The following THEMIS variants were observed in gnomAD, a reference collection of about 807,000 sequenced individuals.
The protein encoded by THEMIS is thymocyte selection associated.
THEMIS carries 37 observed loss-of-function variants against 52.6 expected under a neutral mutation model. That is an observed-to-expected ratio of 0.70 (90% confidence interval 0.54 to 0.93). The LOEUF is 0.93. THEMIS is among the 40% of genes least tolerant of loss of function. The pLI is 0.00. For missense variants in THEMIS, 808 were observed against 763.1 expected (o/e 1.06, Z -0.69); for synonymous variants, 292 against 272.7 (o/e 1.07, Z -0.70).
At chr6:127,763,519 CA>C (rs200267552) in intron 4 of THEMIS, among the ~76,000 whole-genome samples, 1 of 151,016 alleles carries the variant, frequency 6.6e-6, no homozygotes, top group Non-Finnish European at 1.5e-5. Flanking sequence ...AAAAACAAAC[CA>C]AAAAAAAGGT....
At chr6:127,913,492 G>A (rs1288126019) in intron 1 of THEMIS, among the ~76,000 whole-genome samples, 1 of 152,146 alleles carries the variant, frequency 6.6e-6, no homozygotes, top group Non-Finnish European at 1.5e-5. Flanking sequence ...CAAATGAATG[G>A]ACTTGACATA....
intron 4 of THEMIS, among the ~76,000 whole-genome samples, chr6:127,726,192 A>G (rs1774540379): frequency 6.6e-6 from 1 of 152,084 alleles, no homozygotes; most frequent in Non-Finnish European, 1.5e-5. Context: ...TATTCCAAGT[A>G]CCTCCAGAAA....
At chr6:127,867,648 A>T (rs1053903996) in intron 1 of THEMIS, among the ~76,000 whole-genome samples, 1 of 152,142 alleles carries the variant, frequency 6.6e-6, no homozygotes, top group Non-Finnish European at 1.5e-5. Flanking sequence ...ACACAATATC[A>T]TCTTTAGCTG....
chr6:127,794,511 T>TA (rs35801456), intron 4 of THEMIS, among the ~76,000 whole-genome samples: 5,614 of 152,318 alleles, frequency 0.037, 135 homozygotes, highest in Middle Eastern at 0.061. Flanking sequence ...CATTTTTATT[T>TA]AATACAGGGT....
At chr6:127,854,465 C>T (rs967518364) in intron 2 of THEMIS, among the ~76,000 whole-genome samples, 7 of 151,728 alleles carry the variant, frequency 4.6e-5, no homozygotes, top group Admixed American at 6.6e-5. Flanking sequence ...GCCCAACATA[C>T]TATGGGAACA....
chr6:127,803,215 G>T (rs945289118), intron 4 of THEMIS, among the ~76,000 whole-genome samples: 5 of 152,038 alleles, frequency 3.3e-5, no homozygotes, highest in African/African-American at 1.2e-4. Flanking sequence ...GCTGTATTCA[G>T]GTATGATTGA....
chr6:127,730,688 G>T (rs2114522785), intron 4 of THEMIS, among the ~76,000 whole-genome samples: 1 of 152,218 alleles, frequency 6.6e-6, no homozygotes, highest in East Asian at 1.9e-4. Flanking sequence ...TTCATAGGTT[G>T]CACACTGTTT....
At chr6:127,859,691 T>C (rs1353222093) in intron 1 of THEMIS, among the ~76,000 whole-genome samples, 1 of 152,152 alleles carries the variant, frequency 6.6e-6, no homozygotes. Context: ...ATATACAAGC[T>C]GACTATGTTG....
At chr6:127,809,516 C>G (rs971040034) in intron 4 of THEMIS, among the ~76,000 whole-genome samples, 1 of 152,118 alleles carries the variant, frequency 6.6e-6, no homozygotes, top group African/African-American at 2.4e-5. Flanking sequence ...GTAGCATCCT[C>G]TGACATTTTA....
At chr6:127,802,845 T>C (rs77479800) in intron 4 of THEMIS, among the ~76,000 whole-genome samples, 4,695 of 152,264 alleles carry the variant, frequency 0.031, 235 homozygotes, top group African/African-American at 0.11. Context: ...CTGTGCATTG[T>C]GGAAAGGGAA....
In THEMIS at chr6:127,709,711, G is replaced by T. The variant is rs990222956; in HGVS notation, c.*274C>A. ...TTGTTGGTAGTAGAAATAAGAATCT[G>T]AAAAAATGTGCAAGTTAAATAAATA... On this transcript the variant is annotated 3_prime_UTR_variant, in exon 6 of 6. Coordinates refer to ENST00000368248, the MANE Select transcript of THEMIS (RefSeq NM_001010923.3). 2.3e-5 allele frequency: 7 copies of T among 304,608 alleles called. No homozygotes were observed. Among genetic ancestry groups the T allele is most frequent in the African/African-American group, 8.6e-5 (4 of 46,468 alleles). 18.9% of individuals were successfully genotyped at this position (304,608 alleles called of 1,614,324 possible). A position where few individuals can be genotyped will look rare whatever the true frequency, so the allele number is the denominator to read the frequency against.
chr6:127,904,343 A>G (rs543667064), upstream of THEMIS, among the ~76,000 whole-genome samples: 6 of 152,206 alleles, frequency 3.9e-5, no homozygotes, highest in East Asian at 1.2e-3. Context: ...AGAACTGGGA[A>G]GCCAGGGCCA....
chr6:127,700,987 A>C, the THEMIS span, among the ~76,000 whole-genome samples: 4 of 152,046 alleles, frequency 2.6e-5, no homozygotes, highest in Non-Finnish European at 2.9e-5. Flanking sequence ...TACTATTTTC[A>C]AACTTGTGCT....
chr6:127,824,597 T>C (rs1402454490), intron 3 of THEMIS, among the ~76,000 whole-genome samples: 1 of 147,514 alleles, frequency 6.8e-6, no homozygotes, highest in East Asian at 2.3e-4. Context: ...ACACCAAAAC[T>C]TAAAAAAAAA....
At chr6:127,703,920 A>G (rs1363917562), downstream of THEMIS, among the ~76,000 whole-genome samples, 1 of 152,104 alleles carries the variant, frequency 6.6e-6, no homozygotes, top group Non-Finnish European at 1.5e-5. Context: ...AAGGTACCAG[A>G]AGATTTGAGG....
chr6:127,826,985 G>A (rs1778530126), intron 3 of THEMIS, among the ~76,000 whole-genome samples: 1 of 151,698 alleles, frequency 6.6e-6, no homozygotes. Flanking sequence ...TTAAAAACTA[G>A]TAATAGGAGT....
intron 1 of THEMIS, among the ~76,000 whole-genome samples, chr6:127,869,430 G>A (rs1050504418): frequency 5.9e-5 from 9 of 152,146 alleles, no homozygotes; most frequent in Non-Finnish European, 1.2e-4. Flanking sequence ...GCCACTGCCC[G>A]ACATCCAAAG....
intron 4 of THEMIS, among the ~76,000 whole-genome samples, chr6:127,747,491 G>A (rs956724429): frequency 2.7e-5 from 4 of 150,126 alleles, no homozygotes; most frequent in African/African-American, 4.9e-5. Context: ...TTATATTAAA[G>A]TAATTGAAAA....
intron 4 of THEMIS, among the ~76,000 whole-genome samples, chr6:127,768,986 G>A (rs1369563505): frequency 6.6e-6 from 1 of 152,102 alleles, no homozygotes; most frequent in African/African-American, 2.4e-5. Context: ...AAATGCAAAT[G>A]TTGCAGTGTT....
Sources: allele counts gnomAD v4.1 joint callset (sites outside exome capture counted in the v4.1 genomes callset), GRCh38; gene constraint gnomAD v4.1.1; transcripts MANE v1.5; gene names NCBI Gene and HGNC (gene_info 2026-07-23, HGNC 2026-07-21).